ANK3: variants seen among roughly 807,000 people sequenced by gnomAD.
The protein encoded by ANK3 is ankyrin 3.
ANK3 carries 57 observed loss-of-function variants against 370.9 expected under a neutral mutation model. The observed-to-expected ratio is 0.15, with a 90% CI of 0.12 to 0.19. ANK3 has a LOEUF of 0.19. ANK3 is among the 10% of genes least tolerant of loss of function. The probability of loss-of-function intolerance (pLI) is 1.00; values close to 1 mark genes in which losing one functional copy is unlikely to be tolerated. For missense variants in ANK3, 4,439 were observed against 5,302.1 expected (o/e 0.84, Z 5.06); for synonymous variants, 1,929 against 1,946.3 (o/e 0.99, Z 0.23).
At chr10:60,407,665 T>G (rs919602840) in intron 2 of ANK3, among the ~76,000 whole-genome samples, 5 of 152,208 alleles carry the variant, frequency 3.3e-5, no homozygotes, top group Non-Finnish European at 5.9e-5. Context: ...CTTATGACTT[T>G]GTAATTCCTG....
intron 2 of ANK3, among the ~76,000 whole-genome samples, chr10:60,414,539 A>G (rs2063622163): frequency 6.6e-6 from 1 of 152,146 alleles, no homozygotes; most frequent in South Asian, 2.1e-4. Context: ...GAAGCTGTAC[A>G]ATTTTTTTGA....
intron 40 of ANK3, chr10:60,059,983 G>C (rs2080033277): frequency 2.5e-6 from 4 of 1,597,250 alleles, no homozygotes; most frequent in African/African-American, 2.7e-5. Context: ...GGGGTTTCCA[G>C]TTCCACTTGA....
intron 1 of ANK3, among the ~76,000 whole-genome samples, chr10:60,322,937 T>C (rs879420626): frequency 1.3e-5 from 2 of 152,132 alleles, no homozygotes; most frequent in Non-Finnish European, 2.9e-5. Flanking sequence ...GGCAAGACTA[T>C]GGGAAGAGCA....
intron 21 of ANK3, among the ~76,000 whole-genome samples, chr10:60,171,151 T>C (rs961744792): frequency 6.6e-6 from 1 of 152,130 alleles, no homozygotes; most frequent in East Asian, 1.9e-4. Flanking sequence ...CCTCAAGAGG[T>C]GTATGAAAGC....
chr10:60,336,856 G>T lies in ANK3; in HGVS notation c.114+52569C>A, dbSNP rs540167044. ...TACCCAATGTTTAGACAAAGAGAAG[G>T]ACTCGTCCCTCGGACCATTTTGTGT... On this transcript the variant is annotated intron_variant, in intron 1 of 43. Coordinates refer to ENST00000280772, the MANE Select transcript of ANK3 (RefSeq NM_020987.5). Among the ~76,000 whole-genome samples the T allele has an allele frequency of 2.6e-5, 4 of 152,234 alleles. No homozygotes were observed. The East Asian group carries it at 7.7e-4, about 29-fold the overall frequency.
intron 2 of ANK3, among the ~76,000 whole-genome samples, chr10:60,482,996 C>T (rs540107604): frequency 1.3e-5 from 2 of 152,292 alleles, no homozygotes; most frequent in East Asian, 1.9e-4. Flanking sequence ...AACACATGAG[C>T]GTCACATCGT....
intron 23 of ANK3, chr10:60,140,378 C>T: frequency 6.2e-7 from 1 of 1,613,792 alleles, no homozygotes; most frequent in South Asian, 1.1e-5. Flanking sequence ...TTCCACTAGG[C>T]TTGGATGATC....
chr10:60,721,913 T>C (rs7072270), intron 1 of ANK3, among the ~76,000 whole-genome samples: 2,713 of 152,208 alleles, frequency 0.018, 73 homozygotes, highest in African/African-American at 0.062. Context: ...ATCTTACCAG[T>C]TGGGAGGAAA....
At chr10:60,373,494 C>T (rs528063861) in intron 1 of ANK3, among the ~76,000 whole-genome samples, 3 of 152,168 alleles carry the variant, frequency 2.0e-5, no homozygotes, top group East Asian at 1.9e-4. Flanking sequence ...TTCATATAAT[C>T]GATTCACCAT....
intron 1 of ANK3, among the ~76,000 whole-genome samples, chr10:60,692,238 A>C (rs1460168480): frequency 6.6e-6 from 1 of 152,218 alleles, no homozygotes. Context: ...CATAAGCAAT[A>C]CTGGCATACG....
At chr10:60,106,112 T>A (rs1424382545) in intron 27 of ANK3, 53 bp from the exon 28 acceptor site, 1 of 1,462,382 alleles carries the variant, frequency 6.8e-7, no homozygotes, top group East Asian at 2.6e-5. Flanking sequence ...ATTTATAGTA[T>A]CATACTTAAA....
At chr10:60,039,646 T>G (rs1476323060) in intron 43 of ANK3, among the ~76,000 whole-genome samples, 1 of 152,160 alleles carries the variant, frequency 6.6e-6, no homozygotes, top group Non-Finnish European at 1.5e-5. Context: ...ATTCTTTTGC[T>G]CCCTAGCTGT....
intron 7 of ANK3, among the ~76,000 whole-genome samples, chr10:60,246,282 GAAAA>G (rs766248112): frequency 0.096 from 10,204 of 105,900 alleles, 688 homozygotes; most frequent in East Asian, 0.24. Flanking sequence ...AAAAAAAAAA[GAAAA>G]AAGAAAAAAA....
In ANK3 at chr10:60,073,414, T is replaced by C. The variant is rs200697576; in HGVS notation, c.7467A>G (p.Gly2489=). The stretch of plus-strand genomic sequence containing the variant: ...ACCCCTGTAACTCTGAGCTAGGGGG[T>C]CCTGCATGGTCTGTAACCGATTCCT... The part of the protein sequence containing the change: ...DTEESVTDHA[G]PPSSELQGSD... Residue 2489 remains glycine, a synonymous_variant, in exon 37 of 44, where the codon GGA becomes GGG. Transcript: ENST00000280772. The C allele has an allele frequency of 6.2e-7, 1 of 1,613,758 alleles. No individual in the cohort carries two copies. Among genetic ancestry groups the C allele is most frequent in the Non-Finnish European group, 8.5e-7 (1 of 1,179,976 alleles).
Position 60,205,660 on chromosome 10 carries a change from G to C in ANK3, c.1293+132C>G, listed in dbSNP as rs2096752047. 6.2e-6 allele frequency: 4 copies of C among 648,848 alleles called. No homozygotes were observed. The African/African-American group carries it at 7.2e-5, about 12-fold the overall frequency. The allele number at this position is 648,848 out of a possible 1,614,324, so 40.2% of individuals were successfully genotyped here. ...AGGGACTGGCAGCCCTCTTCCTAAAGAGTTCAGAATGCAGTCTATGGCCAT... is the reference window on the plus strand; with the variant it reads ...AGGGACTGGCAGCCCTCTTCCTAAACAGTTCAGAATGCAGTCTATGGCCAT... On this transcript the variant is annotated intron_variant, in intron 11 of 43. Coordinates refer to ENST00000280772, the MANE Select transcript of ANK3 (RefSeq NM_020987.5).
chr10:60,727,419 G>A (rs1459479241), intron 1 of ANK3, among the ~76,000 whole-genome samples: 2 of 152,146 alleles, frequency 1.3e-5, no homozygotes, highest in Non-Finnish European at 2.9e-5. Flanking sequence ...CAGTCTCCTG[G>A]AGGGTTGGGA....
intron 16 of ANK3, among the ~76,000 whole-genome samples, chr10:60,195,501 G>A (rs556816594): frequency 1.3e-5 from 2 of 152,010 alleles, no homozygotes; most frequent in Non-Finnish European, 1.5e-5. Flanking sequence ...TCATTTCAGT[G>A]TTCTCTGATC....
chr10:60,526,495 G>A (rs1595208479), intron 2 of ANK3, among the ~76,000 whole-genome samples: 1 of 152,074 alleles, frequency 6.6e-6, no homozygotes, highest in African/African-American at 2.4e-5. Context: ...TCATAAAAAT[G>A]TCAGGAGTGA....
intron 23 of ANK3, among the ~76,000 whole-genome samples, chr10:60,142,653 A>G (rs74156419): frequency 3.2e-4 from 48 of 152,226 alleles, no homozygotes; most frequent in African/African-American, 1.0e-3. Flanking sequence ...CTTAGACTTC[A>G]GAAATGGTCA....
Sources: allele counts gnomAD v4.1 joint callset (sites outside exome capture counted in the v4.1 genomes callset), GRCh38; gene constraint gnomAD v4.1.1; transcripts MANE v1.5; gene names NCBI Gene and HGNC (gene_info 2026-07-23, HGNC 2026-07-21).